The following MAF variants were observed in gnomAD, a reference collection of about 807,000 sequenced individuals.
MAF encodes transcription factor Maf.
A neutral mutation model predicts 22.0 loss-of-function variants in MAF; 10 were observed. The observed-to-expected ratio is 0.45, with a 90% CI of 0.28 to 0.77. The LOEUF (loss-of-function observed/expected upper bound fraction) is 0.77, where lower values mean the gene tolerates loss of function less well. Among genes scored for constraint, MAF ranks in the 30% least tolerant of loss-of-function variants. The pLI is 0.12. For missense variants in MAF, 544 were observed against 548.4 expected (o/e 0.99, Z 0.08); for synonymous variants, 337 against 255.8 (o/e 1.32, Z -3.03).
At chr16:79,541,056 A>G in the MAF span, among the ~76,000 whole-genome samples, 1 of 152,088 alleles carries the variant, frequency 6.6e-6, no homozygotes, top group Admixed American at 6.6e-5. Context: ...TACCATTACT[A>G]CTATTGACAC....
chr16:79,411,702 T>C, the MAF span, among the ~76,000 whole-genome samples: 1 of 152,244 alleles, frequency 6.6e-6, no homozygotes, highest in African/African-American at 2.4e-5. Context: ...AATTACTCTG[T>C]GCAACTTTCT....
the MAF span, among the ~76,000 whole-genome samples, chr16:79,457,389 G>T: frequency 5.0e-5 from 7 of 140,464 alleles, no homozygotes; most frequent in South Asian, 2.3e-4. Context: ...TAGCACTTTG[G>T]TTTTTTTTTT....
chr16:79,411,561 G>C, the MAF span, among the ~76,000 whole-genome samples: 1 of 152,128 alleles, frequency 6.6e-6, no homozygotes, highest in Non-Finnish European at 1.5e-5. Flanking sequence ...ATCTAAGTCT[G>C]GTGACTTTTG....
At chr16:79,402,131 G>C in the MAF span, among the ~76,000 whole-genome samples, 1 of 152,198 alleles carries the variant, frequency 6.6e-6, no homozygotes, top group Non-Finnish European at 1.5e-5. Flanking sequence ...TAAGCTAGCA[G>C]AATTGCTGAA....
the MAF span, among the ~76,000 whole-genome samples, chr16:79,224,756 T>C: frequency 6.6e-6 from 1 of 152,202 alleles, no homozygotes; most frequent in Middle Eastern, 3.2e-3. Context: ...GAACTCCTAT[T>C]CACAATTGCT....
At chr16:79,363,012 G>A in the MAF span, among the ~76,000 whole-genome samples, 10 of 152,134 alleles carry the variant, frequency 6.6e-5, no homozygotes, top group Admixed American at 6.6e-4. Context: ...CAACTGCAAA[G>A]TCATTTCAGC....
At chr16:79,493,745 A>G in the MAF span, among the ~76,000 whole-genome samples, 1 of 152,374 alleles carries the variant, frequency 6.6e-6, no homozygotes. Context: ...GAGTATGTGC[A>G]TTATGAGCAT....
the MAF span, among the ~76,000 whole-genome samples, chr16:79,508,783 G>T: frequency 6.6e-6 from 1 of 152,172 alleles, no homozygotes; most frequent in African/African-American, 2.4e-5. Flanking sequence ...TGTCTCATAG[G>T]TTTCTATTTA....
At chr16:79,414,515 C>T in the MAF span, among the ~76,000 whole-genome samples, 30 of 152,286 alleles carry the variant, frequency 2.0e-4, no homozygotes, top group African/African-American at 6.7e-4. Flanking sequence ...CTCCAGGACC[C>T]AAACACCTGT....
At chr16:79,458,479 T>A in the MAF span, among the ~76,000 whole-genome samples, 2 of 152,146 alleles carry the variant, frequency 1.3e-5, no homozygotes, top group African/African-American at 4.8e-5. Flanking sequence ...AGGAAAATAT[T>A]TACAATTTAC....
At chr16:79,443,195 C>T in the MAF span, among the ~76,000 whole-genome samples, 4 of 152,066 alleles carry the variant, frequency 2.6e-5, no homozygotes, top group African/African-American at 7.2e-5. Context: ...CCAAGATGAC[C>T]CTGAAGCTGT....
chr16:79,476,088 C>G, the MAF span, among the ~76,000 whole-genome samples: 1 of 152,182 alleles, frequency 6.6e-6, no homozygotes, highest in African/African-American at 2.4e-5. Context: ...CTTCCCCGAA[C>G]TCTGAGACTC....
chr16:79,419,038 G>C, the MAF span, among the ~76,000 whole-genome samples: 2 of 152,212 alleles, frequency 1.3e-5, no homozygotes, highest in African/African-American at 4.8e-5. Flanking sequence ...TATTAAATTA[G>C]TTTTCATAAA....
the MAF span, among the ~76,000 whole-genome samples, chr16:79,325,053 G>A: frequency 3.9e-5 from 6 of 152,018 alleles, no homozygotes; most frequent in Non-Finnish European, 8.8e-5. Flanking sequence ...TATAAAGACT[G>A]TTTTTCTTGG....
chr16:79,260,828 C>G, the MAF span, among the ~76,000 whole-genome samples: 1 of 149,284 alleles, frequency 6.7e-6, no homozygotes, highest in African/African-American at 2.5e-5. Context: ...AGAGTGAGGC[C>G]AAATTAAAAA....
the MAF span, among the ~76,000 whole-genome samples, chr16:79,431,967 C>G: frequency 2.0e-5 from 3 of 152,158 alleles, no homozygotes; most frequent in East Asian, 5.8e-4. Flanking sequence ...GGAATATATT[C>G]CAGGATGTTC....
rs1022607401 is a variant in MAF at position 79,595,913 on chromosome 16, T to C, written c.1119-1360A>G. The C allele has an allele frequency of 1.3e-5, 14 of 1,059,624 alleles. 1 individual carries two copies. The African/African-American group carries it at 2.1e-4, about 16-fold the overall frequency. The allele number at this position is 1,059,624 out of a possible 1,614,324, so 65.6% of individuals were successfully genotyped here. On this transcript the variant is annotated intron_variant, in intron 1 of 1. Transcript: ENST00000326043. ...TTTTCCTATTTAAGACAAATGATCT[T>C]CAGTGTTAAAGAGAAAAGCAAAACA...
chr16:79,316,406 C>T, the MAF span, among the ~76,000 whole-genome samples: 1 of 152,182 alleles, frequency 6.6e-6, no homozygotes, highest in Non-Finnish European at 1.5e-5. Context: ...ACTGGTAAAA[C>T]CTTTCTGCCT....
the MAF span, among the ~76,000 whole-genome samples, chr16:79,339,157 CCT>C: frequency 6.6e-6 from 1 of 152,172 alleles, no homozygotes. Flanking sequence ...GCAAGCTCCG[CCT>C]CCCGGGTTCA....
Sources: gnomAD v4.1 joint callset for allele counts (sites outside exome capture counted in the v4.1 genomes callset) on GRCh38, gnomAD v4.1.1 for gene constraint, MANE v1.5 for transcripts, NCBI Gene and HGNC (gene_info 2026-07-23, HGNC 2026-07-21) for gene names.